SYCP1: variants seen among roughly 807,000 people sequenced by gnomAD.
The protein encoded by SYCP1 is synaptonemal complex protein 1, also known as cancer/testis antigen 8.
SYCP1 carries 64 observed loss-of-function variants against 153.1 expected under a neutral mutation model. The ratio of observed to expected loss-of-function variants is 0.42; its 90% CI spans 0.34 to 0.51. SYCP1 has a LOEUF of 0.51. SYCP1 is among the 20% of genes least tolerant of loss of function. SYCP1 has a pLI of 0.06. For missense variants in SYCP1, 997 were observed against 1,049.0 expected (o/e 0.95, Z 0.68); for synonymous variants, 384 against 341.8 (o/e 1.12, Z -1.36).
At chr1:114,866,168 A>G (rs375626503) in intron 8 of SYCP1, among the ~76,000 whole-genome samples, 2 of 152,214 alleles carry the variant, frequency 1.3e-5, no homozygotes, top group South Asian at 4.1e-4. Flanking sequence ...TTTTGTGTGG[A>G]CATTTTAAAC....
At chr1:114,988,816 GAC>G (rs1439878462) in intron 30 of SYCP1, among the ~76,000 whole-genome samples, 4 of 151,960 alleles carry the variant, frequency 2.6e-5, no homozygotes, top group African/African-American at 7.2e-5. Flanking sequence ...TGATTTTAAA[GAC>G]AAATGCATAT....
chr1:114,952,856 T>G (rs1671197095), intron 27 of SYCP1, among the ~76,000 whole-genome samples: 1 of 152,208 alleles, frequency 6.6e-6, no homozygotes, highest in Non-Finnish European at 1.5e-5. Flanking sequence ...TAGTCCTCTG[T>G]CAGAGGACTT....
intron 29 of SYCP1, 39 bp from the exon 30 acceptor site, chr1:114,984,686 A>C (rs753634883): frequency 1.5e-6 from 2 of 1,291,134 alleles, no homozygotes; most frequent in South Asian, 2.9e-5. Context: ...TGCATATTTT[A>C]TTTGATATGA....
chr1:114,907,525 T>G (rs539036603), intron 16 of SYCP1, among the ~76,000 whole-genome samples: 6 of 152,288 alleles, frequency 3.9e-5, no homozygotes, highest in African/African-American at 1.4e-4. Flanking sequence ...ACAGCATGTA[T>G]CCATTACCTT....
At chr1:114,918,844 C>T (rs1284494813) in intron 20 of SYCP1, among the ~76,000 whole-genome samples, 1 of 151,756 alleles carries the variant, frequency 6.6e-6, no homozygotes. Flanking sequence ...CTGAAACTTT[C>T]CTGAATTTGC....
chr1:114,942,693 A>G (rs1484959265), intron 23 of SYCP1, among the ~76,000 whole-genome samples: 1 of 152,008 alleles, frequency 6.6e-6, no homozygotes, highest in Non-Finnish European at 1.5e-5. Flanking sequence ...TTAAGGATAT[A>G]AATAAATGTG....
chr1:114,905,445 A>G (rs186817636), intron 16 of SYCP1, among the ~76,000 whole-genome samples: 5 of 152,344 alleles, frequency 3.3e-5, no homozygotes, highest in Admixed American at 3.3e-4. Flanking sequence ...TTCAGAGGCA[A>G]TACTAGAAAT....
rs2101683335 is a variant in SYCP1, at chr1:114,913,798, ATAAT to A, written c.1648-173_1648-170del. ...CTGTTATATAGAGATTGTTGGGAGA[ATAAT>A]TAAAGTAAGGCTTAAAAAAGTAGTA... On this transcript the variant is annotated intron_variant, in intron 19 of 31. Coordinates refer to ENST00000369522, the MANE Select transcript of SYCP1 (RefSeq NM_003176.4). Among the ~76,000 whole-genome samples the A allele has an allele frequency of 1.3e-5, 2 of 152,238 alleles. 1 individual carries two copies. The highest frequency in any genetic ancestry group is 4.1e-4 in the South Asian group (2 of 4,832).
chr1:114,861,484 T>C (rs942899540), intron 8 of SYCP1, among the ~76,000 whole-genome samples: 9 of 152,144 alleles, frequency 5.9e-5, no homozygotes, highest in Non-Finnish European at 1.2e-4. Context: ...TTTCGGGATA[T>C]TCTCTATTTT....
intron 27 of SYCP1, among the ~76,000 whole-genome samples, chr1:114,962,871 C>T (rs753250524): frequency 2.6e-5 from 4 of 152,076 alleles, no homozygotes; most frequent in East Asian, 1.9e-4. Flanking sequence ...TTGGTAGTGG[C>T]GAATTCTCTC....
chr1:114,858,825 T>A, intron 6 of SYCP1, 114 bp downstream of exon 6: 1 of 937,896 alleles, frequency 1.1e-6, no homozygotes, highest in Non-Finnish European at 1.6e-6. Flanking sequence ...TGATGAATAT[T>A]TTAAGGATAA....
At chr1:114,872,386 C>T (rs756109629) in intron 8 of SYCP1, among the ~76,000 whole-genome samples, 2 of 152,126 alleles carry the variant, frequency 1.3e-5, no homozygotes, top group East Asian at 1.9e-4. Flanking sequence ...TTCTTGCCTG[C>T]GTGGTTTCTG....
At chr1:114,951,994 CT>C (rs149561428) in intron 27 of SYCP1, among the ~76,000 whole-genome samples, 6,049 of 152,002 alleles carry the variant, frequency 0.04, 153 homozygotes, top group Non-Finnish European at 0.062. Context: ...AATGTAAATA[CT>C]TTTTTTTAGT....
At chr1:114,923,051 G>T (rs886068772) in intron 20 of SYCP1, among the ~76,000 whole-genome samples, 1 of 152,162 alleles carries the variant, frequency 6.6e-6, no homozygotes, top group Non-Finnish European at 1.5e-5. Flanking sequence ...GCAAAGGGTG[G>T]ACTCCTAAGG....
At chr1:114,925,974 TA>T (rs961557267) in intron 21 of SYCP1, among the ~76,000 whole-genome samples, 1 of 150,530 alleles carries the variant, frequency 6.6e-6, no homozygotes, top group Non-Finnish European at 1.5e-5. Flanking sequence ...ATTTTTTTTT[TA>T]AAAAAAGAGA....
chr1:114,930,480 T>C (rs1384498416), intron 23 of SYCP1, among the ~76,000 whole-genome samples: 1 of 151,868 alleles, frequency 6.6e-6, no homozygotes, highest in Admixed American at 6.6e-5. Flanking sequence ...AGTACATAAT[T>C]AGCATAGATA....
At chr1:114,931,531 G>T (rs1669632653) in intron 23 of SYCP1, among the ~76,000 whole-genome samples, 1 of 152,040 alleles carries the variant, frequency 6.6e-6, no homozygotes. Flanking sequence ...CAAAATGTGT[G>T]CAAGACCCAT....
chr1:114,926,253 G>T (rs1230522580), intron 21 of SYCP1, 25 bp from the exon 22 acceptor site: 19 of 1,459,398 alleles, frequency 1.3e-5, no homozygotes, highest in Non-Finnish European at 1.6e-5. Flanking sequence ...GAATAAAATA[G>T]CTATAATTTC....
At position 114,947,309 on chromosome 1, in the gene SYCP1, A is replaced by G. The variant is rs773151802; in HGVS notation, c.2311A>G (p.Arg771Gly). 6.2e-7 allele frequency: 1 copy of G among 1,612,734 alleles called. No homozygotes were observed. The highest frequency in any genetic ancestry group is 1.1e-5 in the South Asian group (1 of 90,892). ...LSVKKQLEIE[R>G]EEKEKLKREA... ...TGTTAAGAAGCAACTTGAAATAGAAAGAGAAGAGAAGGTAGGTTTTTTGGC... is the reference window on the plus strand; with the variant it reads ...TGTTAAGAAGCAACTTGAAATAGAAGGAGAAGAGAAGGTAGGTTTTTTGGC... The change falls in exon 27 of 32, where the codon AGA becomes GGA. Residue 771 changes from arginine to glycine, a missense_variant. Coordinates refer to ENST00000369522, the MANE Select transcript of SYCP1 (RefSeq NM_003176.4).
Sources: gnomAD v4.1 joint callset for allele counts (sites outside exome capture counted in the v4.1 genomes callset) on GRCh38, gnomAD v4.1.1 for gene constraint, MANE v1.5 for transcripts, NCBI Gene and HGNC (gene_info 2026-07-23, HGNC 2026-07-21) for gene names.